The following PTPRC variants were observed in gnomAD, a reference collection of about 807,000 sequenced individuals.
The protein encoded by PTPRC is receptor-type tyrosine-protein phosphatase C.
In PTPRC, 44 loss-of-function variants were observed where a neutral mutation model predicts 155.9. That is an observed-to-expected ratio of 0.28 (90% CI 0.22 to 0.36). The LOEUF is 0.36. PTPRC is among the 10% of genes least tolerant of loss of function. The pLI is 1.00. For missense variants in PTPRC, 1,401 were observed against 1,564.6 expected (o/e 0.90, Z 1.76); for synonymous variants, 525 against 533.1 (o/e 0.98, Z 0.21).
At chr1:198,645,897 C>T (rs1194711521) in intron 2 of PTPRC, among the ~76,000 whole-genome samples, 1 of 151,738 alleles carries the variant, frequency 6.6e-6, no homozygotes, top group African/African-American at 2.4e-5. Context: ...CCTGAAGTCT[C>T]ACCTGCCTTC....
rs1441981356 is a variant in PTPRC, at chr1:198,702,371, G to A, written c.440-16G>A. 6.2e-7 allele frequency: 1 copy of A among 1,614,176 alleles called. No homozygotes were observed. The highest frequency in any genetic ancestry group is 1.1e-5 in the South Asian group (1 of 91,084). ...ACAGACACAAGTGACAGTGCTGATG[G>A]CCCTTCTGATTGCAGATGTCCCAGG... On this transcript the variant is annotated splice_polypyrimidine_tract_variant and intron_variant, in intron 5 of 32. Transcript: ENST00000442510.
chr1:198,727,707 A>G (rs1267366689), intron 15 of PTPRC, among the ~76,000 whole-genome samples: 1 of 152,156 alleles, frequency 6.6e-6, no homozygotes, highest in Non-Finnish European at 1.5e-5. Context: ...ACATAAGAAA[A>G]GGTGAATATA....
At chr1:198,672,187 C>G (rs1233510105) in intron 2 of PTPRC, among the ~76,000 whole-genome samples, 1 of 152,128 alleles carries the variant, frequency 6.6e-6, no homozygotes, top group African/African-American at 2.4e-5. Flanking sequence ...GCTTTTTCCT[C>G]AGTCTTAAAA....
chr1:198,707,002 T>TTG, intron 9 of PTPRC, 50 bp downstream of exon 9: 1 of 1,441,788 alleles, frequency 6.9e-7, no homozygotes, highest in Non-Finnish European at 9.7e-7. Flanking sequence ...CAGTACACTT[T>TTG]TGTGTGTGGT....
At chr1:198,726,138 A>C (rs1654122993) in intron 15 of PTPRC, among the ~76,000 whole-genome samples, 1 of 152,200 alleles carries the variant, frequency 6.6e-6, no homozygotes, top group Non-Finnish European at 1.5e-5. Flanking sequence ...TGGAATGCTA[A>C]CTTACAGTCA....
intron 30 of PTPRC, 33 bp from the exon 31 acceptor site, chr1:198,752,561 T>C (rs753156398): frequency 1.9e-6 from 3 of 1,597,788 alleles, no homozygotes; most frequent in Middle Eastern, 1.7e-4. Flanking sequence ...TGAACTTCAC[T>C]CCAGTTAATG....
chr1:198,692,215 A>G (rs1665965247), intron 2 of PTPRC, 132 bp from the exon 3 acceptor site: 1 of 564,878 alleles, frequency 1.8e-6, no homozygotes, highest in African/African-American at 2.0e-5. Context: ...ATTAGGGTAA[A>G]AGCTACTGAA....
intron 2 of PTPRC, among the ~76,000 whole-genome samples, chr1:198,651,056 G>A (rs1663220398): frequency 1.3e-5 from 2 of 151,752 alleles, no homozygotes; most frequent in African/African-American, 4.8e-5. Context: ...GGAAGAATTA[G>A]ATGTCTTTAC....
intron 2 of PTPRC, among the ~76,000 whole-genome samples, chr1:198,677,708 A>C (rs966892106): frequency 1.3e-5 from 2 of 152,240 alleles, no homozygotes; most frequent in East Asian, 1.9e-4. Flanking sequence ...AATTTTTCTC[A>C]GCTACTCACA....
chr1:198,748,120 A>G lies in PTPRC; in HGVS notation c.2859A>G (p.Ser953=). 6.3e-7 allele frequency: 1 copy of G among 1,590,326 alleles called. No individual in the cohort carries two copies. The highest frequency in any genetic ancestry group is 8.6e-7 in the Non-Finnish European group (1 of 1,168,472). The change falls in exon 27 of 33, where the codon TCA becomes TCG. Residue 953 remains serine (S), a synonymous_variant. Coordinates refer to ENST00000442510, the MANE Select transcript of PTPRC (RefSeq NM_002838.5). ...TTTTTTTTTTTCAGAGACTTCCTTC[A>G]TATAGGAGCTGGAGGACACAGCACA... ...PLEAEFQRLP[S]YRSWRTQHIG...
rs1663256750 is a variant in PTPRC at position 198,651,596 on chromosome 1, A to G, written c.73+12255A>G. ...GGTGGTTAGCTAATAAGAAAAAGCT[A>G]ATAAAAAATAGTGCTTACTCTGTGC... is the stretch of plus-strand genomic sequence containing the variant. On this transcript the variant is annotated intron_variant, in intron 2 of 32. Coordinates refer to ENST00000442510, the MANE Select transcript of PTPRC (RefSeq NM_002838.5). 2.0e-5 allele frequency among the ~76,000 whole-genome samples: 3 copies of G among 151,770 alleles called. No individual in the cohort carries two copies. The Admixed American group carries it at 2.0e-4, about 10-fold the overall frequency.
At chr1:198,703,480 A>G in intron 7 of PTPRC, 108 bp downstream of exon 7, 2 of 1,571,424 alleles carry the variant, frequency 1.3e-6, no homozygotes, top group Non-Finnish European at 1.7e-6. Flanking sequence ...TTTAAGTTGC[A>G]TTAAGTGTTT....
At chr1:198,702,245 T>C (rs1666494755) in intron 5 of PTPRC, 142 bp from the exon 6 acceptor site, 8 of 1,042,044 alleles carry the variant, frequency 7.7e-6, no homozygotes, top group Non-Finnish European at 1.2e-5. Flanking sequence ...TTCTGTAGAA[T>C]GCATGTGTCG....
chr1:198,640,447 G>A (rs1662514725), intron 2 of PTPRC, among the ~76,000 whole-genome samples: 1 of 151,750 alleles, frequency 6.6e-6, no homozygotes, highest in Non-Finnish European at 1.5e-5. Context: ...TATTTGGAGA[G>A]GAAAGAAAGA....
chr1:198,696,887 T>C lies in PTPRC; in HGVS notation c.276T>C (p.Asn92=). 1.9e-6 allele frequency: 3 copies of C among 1,613,974 alleles called. No homozygotes were observed. The highest frequency in any genetic ancestry group is 2.5e-6 in the Non-Finnish European group (3 of 1,179,808). ...AAGTATCCCCGGACTCTTTGGATAA[T>C]GCTAGTGCTTTTAATACCACAGGTT... ...STQVSPDSLD[N]ASAFNTTGVS... Residue 92 remains asparagine (N), a synonymous_variant, in exon 4 of 33, where the codon AAT becomes AAC. Coordinates refer to ENST00000442510, the MANE Select transcript of PTPRC (RefSeq NM_002838.5).
rs1277949927 is a variant in PTPRC, at chr1:198,712,937, C to A, written c.1172-16C>A. The A allele has an allele frequency of 6.2e-7, 1 of 1,606,832 alleles. No homozygotes were observed. Among genetic ancestry groups the A allele is most frequent in the Non-Finnish European group, 8.5e-7 (1 of 1,173,576 alleles). Reference sequence around the variant, plus strand: ...CTTATTTTTCATATTACATAACATTCTTATTCTTTTAACAGGTCCAGGAGA... The same window carrying A: ...CTTATTTTTCATATTACATAACATTATTATTCTTTTAACAGGTCCAGGAGA... On this transcript the variant is annotated splice_polypyrimidine_tract_variant and intron_variant, in intron 11 of 32. Transcript: ENST00000442510.
chr1:198,735,103 A>G (rs1207623794), intron 22 of PTPRC, 24 bp from the exon 23 acceptor site: 4 of 1,545,072 alleles, frequency 2.6e-6, no homozygotes, highest in South Asian at 1.2e-5. Flanking sequence ...AAATTAAAAT[A>G]CTTAATAATT....
chr1:198,644,809 C>A (rs570550891), intron 2 of PTPRC, among the ~76,000 whole-genome samples: 1 of 151,448 alleles, frequency 6.6e-6, no homozygotes, highest in Admixed American at 6.6e-5. Flanking sequence ...TAGTAGAGAC[C>A]GAGCTTAAAC....
chr1:198,688,054 T>C (rs1006632135), intron 2 of PTPRC, among the ~76,000 whole-genome samples: 1 of 151,962 alleles, frequency 6.6e-6, no homozygotes, highest in Admixed American at 6.6e-5. Context: ...GAATTTTCTT[T>C]TAAAAAGATA....
Sources: gnomAD v4.1 joint callset for allele counts (sites outside exome capture counted in the v4.1 genomes callset) on GRCh38, gnomAD v4.1.1 for gene constraint, MANE v1.5 for transcripts, NCBI Gene and HGNC (gene_info 2026-07-23, HGNC 2026-07-21) for gene names.